Variants in MGAT4C observed in about 807,000 individuals in gnomAD.
The protein encoded by MGAT4C is alpha-1,3-mannosyl-glycoprotein 4-beta-N-acetylglucosaminyltransferase C.
MGAT4C carries 19 observed loss-of-function variants against 40.1 expected under a neutral mutation model. The ratio of observed to expected loss-of-function variants is 0.47; its 90% CI spans 0.33 to 0.70. MGAT4C has a LOEUF of 0.70. Ranked by LOEUF, MGAT4C falls within the 30% of genes least tolerant of loss-of-function variation. The pLI is 0.02. For missense variants in MGAT4C, 491 were observed against 563.2 expected, an observed-to-expected ratio of 0.87 and a Z score of 1.30; for synonymous variants, 181 against 187.1, an observed-to-expected ratio of 0.97 and a Z score of 0.27.
Position 85,980,269 on chromosome 12 carries a change from C to A in MGAT4C, c.457G>T (p.Val153Phe). The change falls in exon 5 of 5, where the codon GTC (valine) becomes TTC (phenylalanine). Residue 153 changes from valine (V) to phenylalanine (F), a missense_variant. By Grantham distance (50) the Val-to-Phe change is conservative. Transcript: ENST00000611864. ...DFNSSWRDAM[V>F]QDITQKFAHH... ...GCAAATTTCTGTGTAATATCCTGGA[C>A]CATGGCATCACGCCAGGAAGAATTA... 6.2e-7 allele frequency: 1 copy of A among 1,613,904 alleles called. No individual in the cohort carries two copies. The highest frequency in any genetic ancestry group is 1.7e-5 in the Admixed American group (1 of 59,960).
intron 1 of MGAT4C, among the ~76,000 whole-genome samples, chr12:86,114,009 G>T (rs1231333696): frequency 6.6e-6 from 1 of 151,928 alleles, no homozygotes; most frequent in Middle Eastern, 3.4e-3. Context: ...CTTTTAGTGG[G>T]TTGATAAGAT....
intron 1 of MGAT4C, among the ~76,000 whole-genome samples, chr12:86,762,349 C>T (rs1482939809): frequency 6.6e-6 from 1 of 152,124 alleles, no homozygotes; most frequent in African/African-American, 2.4e-5. Flanking sequence ...CCCTGCCTGG[C>T]CCTAAGGCTA....
intron 1 of MGAT4C, among the ~76,000 whole-genome samples, chr12:86,133,355 T>G: frequency 6.6e-6 from 1 of 152,238 alleles, no homozygotes; most frequent in East Asian, 1.9e-4. Context: ...GTCAGTATCC[T>G]TATTTGTAAA....
At chr12:86,160,790 G>T (rs1055329837) in intron 1 of MGAT4C, among the ~76,000 whole-genome samples, 1 of 151,896 alleles carries the variant, frequency 6.6e-6, no homozygotes, top group South Asian at 2.1e-4. Flanking sequence ...GATACTTAAG[G>T]CTTCTTACTG....
intron 1 of MGAT4C, among the ~76,000 whole-genome samples, chr12:86,218,045 G>T (rs1038091076): frequency 6.6e-6 from 1 of 151,686 alleles, no homozygotes; most frequent in Admixed American, 6.6e-5. Context: ...CTGCTAAAAC[G>T]AGAACTTTTT....
intron 2 of MGAT4C, among the ~76,000 whole-genome samples, chr12:86,486,697 G>A (rs2136318542): frequency 6.6e-6 from 1 of 152,178 alleles, no homozygotes; most frequent in East Asian, 1.9e-4. Flanking sequence ...AAAAAATTCT[G>A]GACTTAAGCT....
At chr12:86,342,706 T>A (rs1169721958) in intron 3 of MGAT4C, among the ~76,000 whole-genome samples, 1 of 152,158 alleles carries the variant, frequency 6.6e-6, no homozygotes, top group Non-Finnish European at 1.5e-5. Context: ...CCCAAAGTGC[T>A]GGGATTACAG....
chr12:86,496,751 A>C (rs1958243724), intron 2 of MGAT4C, among the ~76,000 whole-genome samples: 1 of 152,042 alleles, frequency 6.6e-6, no homozygotes, highest in Non-Finnish European at 1.5e-5. Context: ...TAATTGGCTC[A>C]GTGTAATTGA....
At chr12:86,149,682 C>T (rs998027006) in intron 1 of MGAT4C, among the ~76,000 whole-genome samples, 6 of 152,120 alleles carry the variant, frequency 3.9e-5, no homozygotes, top group African/African-American at 1.4e-4. Flanking sequence ...GTAGATACTC[C>T]TTGTGGGTTG....
chr12:86,215,075 T>C (rs931647927), intron 1 of MGAT4C, among the ~76,000 whole-genome samples: 35 of 152,246 alleles, frequency 2.3e-4, no homozygotes, highest in Middle Eastern at 3.4e-3. Flanking sequence ...TTTTGAGTTA[T>C]GGAGTAGTGA....
chr12:86,446,646 C>T (rs1376837907), intron 2 of MGAT4C, among the ~76,000 whole-genome samples: 1 of 106,940 alleles, frequency 9.4e-6, no homozygotes, highest in East Asian at 2.6e-4. Flanking sequence ...CTTAAAATTA[C>T]ATCATGTAAC....
intron 2 of MGAT4C, among the ~76,000 whole-genome samples, chr12:86,671,100 G>A (rs566851014): frequency 1.3e-5 from 2 of 152,244 alleles, no homozygotes; most frequent in South Asian, 4.1e-4. Context: ...GCATTGCTAC[G>A]CATGATGTTA....
At chr12:86,692,774 C>G (rs1482156578) in intron 2 of MGAT4C, among the ~76,000 whole-genome samples, 1 of 152,098 alleles carries the variant, frequency 6.6e-6, no homozygotes, top group African/African-American at 2.4e-5. Context: ...AAAGGTAGCC[C>G]TACTTGACCC....
intron 1 of MGAT4C, among the ~76,000 whole-genome samples, chr12:86,218,148 G>A (rs1464482728): frequency 2.6e-5 from 4 of 151,382 alleles, no homozygotes; most frequent in South Asian, 4.2e-4. Context: ...GCATTTTACC[G>A]AGATAACTTT....
intron 2 of MGAT4C, among the ~76,000 whole-genome samples, chr12:86,694,221 C>G (rs984206823): frequency 6.6e-6 from 1 of 152,150 alleles, no homozygotes; most frequent in Admixed American, 6.5e-5. Flanking sequence ...GTTACCACCT[C>G]TACATCAATT....
At chr12:85,993,945 G>T (rs1246761666) in intron 2 of MGAT4C, among the ~76,000 whole-genome samples, 2 of 152,108 alleles carry the variant, frequency 1.3e-5, no homozygotes, top group Admixed American at 1.3e-4. Flanking sequence ...GGTGGCATGG[G>T]GTCCTTCCAG....
chr12:86,323,736 A>G (rs193067708), intron 4 of MGAT4C, among the ~76,000 whole-genome samples: 158 of 152,080 alleles, frequency 1.0e-3, no homozygotes, highest in Admixed American at 2.7e-3. Flanking sequence ...AAATAACTTT[A>G]TAGCTTCATG....
In MGAT4C at chr12:86,035,088, A is replaced by C. The variant is rs116782202; in HGVS notation, c.-7+14586T>G. Among the ~76,000 whole-genome samples, 950 of 150,168 alleles carry C rather than the reference A, an allele frequency of 6.3e-3. 31 individuals are homozygous for C. The highest frequency in any genetic ancestry group is 0.022 in the African/African-American group (897 of 41,374). On this transcript the variant is annotated intron_variant, in intron 2 of 4. Coordinates refer to ENST00000611864, the MANE Select transcript of MGAT4C (RefSeq NM_001351288.2). ...CAGTGATTTCTAACCCTTTGGGTAC[A>C]TACCCAGTAATGGGATTGCTGGGTC...
chr12:86,580,395 A>T (rs1960733319), intron 2 of MGAT4C, among the ~76,000 whole-genome samples: 1 of 151,494 alleles, frequency 6.6e-6, no homozygotes, highest in Non-Finnish European at 1.5e-5. Context: ...CACTATATCT[A>T]TCCCTAAGGT....
Sources: gnomAD v4.1 joint callset for allele counts (sites outside exome capture counted in the v4.1 genomes callset) on GRCh38, gnomAD v4.1.1 for gene constraint, MANE v1.5 for transcripts, NCBI Gene and HGNC (gene_info 2026-07-23, HGNC 2026-07-21) for gene names.